The following NTN4 variants were observed in gnomAD, a reference collection of about 807,000 sequenced individuals.
The protein encoded by NTN4 is netrin-4.
Under a neutral mutation model 73.6 loss-of-function variants are expected in NTN4, and 32 were observed. That is an observed-to-expected ratio of 0.44 (90% confidence interval 0.33 to 0.58). The LOEUF is 0.58. NTN4 is among the 20% of genes least tolerant of loss of function. The probability of loss-of-function intolerance (pLI) is 0.04; values close to 1 mark genes in which losing one functional copy is unlikely to be tolerated. For missense variants in NTN4, 654 were observed against 798.3 expected (o/e 0.82, Z 2.18); for synonymous variants, 258 against 287.5 (o/e 0.90, Z 1.04).
At chr12:95,678,907 A>T (rs193082134) in intron 7 of NTN4, among the ~76,000 whole-genome samples, 2,229 of 152,322 alleles carry the variant, frequency 0.015, 18 homozygotes, top group Non-Finnish European at 0.025. Context: ...GAATCATTTT[A>T]AAAATTCAGG....
chr12:95,681,736 T>C (rs557793746), intron 7 of NTN4, among the ~76,000 whole-genome samples: 56 of 152,294 alleles, frequency 3.7e-4, no homozygotes, highest in African/African-American at 1.3e-3. Context: ...AACAATGTCA[T>C]AGGGAAATTG....
chr12:95,725,821 G>A (rs1389202639), intron 3 of NTN4, among the ~76,000 whole-genome samples: 2 of 152,108 alleles, frequency 1.3e-5, no homozygotes, highest in African/African-American at 4.8e-5. Flanking sequence ...GTGGAATACT[G>A]GTTTATTAAA....
At chr12:95,695,648 C>T (rs973681187) in intron 5 of NTN4, among the ~76,000 whole-genome samples, 3 of 152,112 alleles carry the variant, frequency 2.0e-5, no homozygotes, top group Non-Finnish European at 4.4e-5. Context: ...TACAGGCGCT[C>T]AGCCATAGCC....
At chr12:95,708,436 C>T (rs762975634) in intron 5 of NTN4, among the ~76,000 whole-genome samples, 36 of 151,822 alleles carry the variant, frequency 2.4e-4, no homozygotes, top group Non-Finnish European at 3.1e-4. Flanking sequence ...TACAGGCGCC[C>T]GCCACCACGC....
Position 95,663,923 on chromosome 12 carries a change from A to G in NTN4, c.1750+1887T>C, listed in dbSNP as rs191249497. On this transcript the variant is annotated intron_variant, in intron 9 of 9. Coordinates refer to ENST00000343702, the MANE Select transcript of NTN4 (RefSeq NM_021229.4). The stretch of plus-strand genomic sequence containing the variant: ...TTTTTCTTTTGCCAAGACAGTAGGA[A>G]AGCTCTTATAAGAGATGCCTCTAAG... Among the ~76,000 whole-genome samples, 4 of 152,308 alleles carry G rather than the reference A, an allele frequency of 2.6e-5. No individual in the cohort carries two copies. The East Asian group carries it at 7.7e-4, about 29-fold the overall frequency.
intron 2 of NTN4, among the ~76,000 whole-genome samples, chr12:95,759,515 G>T (rs1175825724): frequency 1.3e-5 from 2 of 148,426 alleles, no homozygotes; most frequent in Admixed American, 1.3e-4. Flanking sequence ...TTGAGATGGG[G>T]TCTTGCTCTA....
chr12:95,659,006 T>C lies in NTN4; in HGVS notation c.*80A>G. ...GTTTTGGCACTTTAAAAAATTCCAG[T>C]TTCCTGTCTGAGGTCTTCTTGCTCT... On this transcript the variant is annotated 3_prime_UTR_variant, in exon 10 of 10. Coordinates refer to ENST00000343702, the MANE Select transcript of NTN4 (RefSeq NM_021229.4). The C allele has an allele frequency of 7.1e-7, 1 of 1,402,952 alleles. No homozygotes were observed. The allele number at this position is 1,402,952 out of a possible 1,614,324, so 86.9% of individuals were successfully genotyped here.
chr12:95,762,517 A>T (rs1565911866), intron 2 of NTN4, among the ~76,000 whole-genome samples: 1 of 152,260 alleles, frequency 6.6e-6, no homozygotes, highest in Non-Finnish European at 1.5e-5. Context: ...TGAATTAAGA[A>T]AGAGAACTGA....
At chr12:95,673,006 G>T in intron 7 of NTN4, 1 of 1,312,836 alleles carries the variant, frequency 7.6e-7, no homozygotes, top group Non-Finnish European at 1.1e-6. Context: ...GTTCCTGGGG[G>T]ATGAAGGGAC....
At chr12:95,767,786 A>C (rs956125611) in intron 2 of NTN4, among the ~76,000 whole-genome samples, 1 of 152,098 alleles carries the variant, frequency 6.6e-6, no homozygotes, top group African/African-American at 2.4e-5. Context: ...GTGGTGATAG[A>C]TCTGTACCTT....
chr12:95,717,265 C>T (rs1286254967), intron 3 of NTN4, among the ~76,000 whole-genome samples: 1 of 152,076 alleles, frequency 6.6e-6, no homozygotes, highest in Non-Finnish European at 1.5e-5. Flanking sequence ...GTAATATCAC[C>T]CAACACATGG....
chr12:95,690,786 A>G (rs925264720), intron 5 of NTN4, among the ~76,000 whole-genome samples: 12 of 152,170 alleles, frequency 7.9e-5, no homozygotes, highest in Non-Finnish European at 1.8e-4. Context: ...CTTAAAGCAG[A>G]TAGGAGAGAT....
chr12:95,688,471 G>A (rs1337113583), intron 5 of NTN4, among the ~76,000 whole-genome samples: 1 of 152,096 alleles, frequency 6.6e-6, no homozygotes, highest in Non-Finnish European at 1.5e-5. Context: ...GGTGGAGATA[G>A]GGAAGGAAGG....
intron 3 of NTN4, among the ~76,000 whole-genome samples, chr12:95,734,141 C>A (rs966602785): frequency 6.7e-6 from 1 of 149,208 alleles, no homozygotes; most frequent in African/African-American, 2.5e-5. Flanking sequence ...TTTTCCTATT[C>A]TTTTCGATAG....
intron 2 of NTN4, among the ~76,000 whole-genome samples, chr12:95,749,665 C>A (rs931060445): frequency 2.6e-5 from 4 of 152,220 alleles, no homozygotes; most frequent in Non-Finnish European, 5.9e-5. Context: ...TGATTATACA[C>A]CCACGTTTCA....
At chr12:95,729,632 A>AGAGTGTGT (rs1555218229) in intron 3 of NTN4, among the ~76,000 whole-genome samples, 85 of 124,164 alleles carry the variant, frequency 6.8e-4, no homozygotes, top group African/African-American at 1.9e-3. Flanking sequence ...AGAGAGAGAG[A>AGAGTGTGT]GTGTGTGTGT....
intron 4 of NTN4, among the ~76,000 whole-genome samples, chr12:95,711,928 G>A (rs149820412): frequency 2.0e-5 from 3 of 152,246 alleles, no homozygotes; most frequent in African/African-American, 4.8e-5. Context: ...TTTCCTTGAT[G>A]TGTTATGAAA....
chr12:95,668,583 A>G (rs1158150472), intron 8 of NTN4, among the ~76,000 whole-genome samples: 13 of 152,258 alleles, frequency 8.5e-5, no homozygotes, highest in African/African-American at 2.4e-5. Context: ...AAAATCTTGT[A>G]TGAGATTAGA....
chr12:95,723,855 A>G (rs2078669716), intron 3 of NTN4, among the ~76,000 whole-genome samples: 1 of 152,064 alleles, frequency 6.6e-6, no homozygotes, highest in Non-Finnish European at 1.5e-5. Context: ...TGATTCTTTG[A>G]ATTTTCCTTT....
Sources: allele counts gnomAD v4.1 joint callset (sites outside exome capture counted in the v4.1 genomes callset), GRCh38; gene constraint gnomAD v4.1.1; transcripts MANE v1.5; gene names NCBI Gene and HGNC (gene_info 2026-07-23, HGNC 2026-07-21).